RBFOX1: variants seen among roughly 807,000 people sequenced by gnomAD.
RBFOX1 encodes the protein RNA binding fox-1 homolog 1, also known as RNA binding protein fox-1 homolog 1.
Under a neutral mutation model 57.7 loss-of-function variants are expected in RBFOX1, and 8 were observed. That is an observed-to-expected ratio of 0.14 (90% CI 0.08 to 0.25). The LOEUF (loss-of-function observed/expected upper bound fraction) is 0.25, where lower values mean the gene tolerates loss of function less well. Ranked by LOEUF, RBFOX1 falls within the 10% of genes least tolerant of loss-of-function variation. RBFOX1 has a pLI of 1.00. For missense variants in RBFOX1, 611 were observed against 548.5 expected, an observed-to-expected ratio of 1.11 and a Z score of -1.14; for synonymous variants, 326 against 222.4, an observed-to-expected ratio of 1.47 and a Z score of -4.15.
intron 4 of RBFOX1, among the ~76,000 whole-genome samples, chr16:7,409,563 C>G (rs974569026): frequency 6.6e-6 from 1 of 152,158 alleles, no homozygotes; most frequent in Admixed American, 6.5e-5. Context: ...CAGTGTATGT[C>G]TGTGCATTGA....
chr16:6,018,336 C>G (rs936358907), upstream of RBFOX1, among the ~76,000 whole-genome samples: 1 of 152,194 alleles, frequency 6.6e-6, no homozygotes, highest in Non-Finnish European at 1.5e-5. Context: ...ATGGATAAAC[C>G]TCCAGTATCT....
intron 13 of RBFOX1, among the ~76,000 whole-genome samples, chr16:7,669,264 TTAACTGAACCAAGACATC>T (rs1208855632): frequency 6.6e-6 from 1 of 150,796 alleles, no homozygotes; most frequent in Non-Finnish European, 1.5e-5. Context: ...CAAGCATTGC[TTAACTGAACCAAGACATC>T]TGTTGGTTGA....
At chr16:6,296,308 C>T (rs1037331411) in intron 1 of RBFOX1, among the ~76,000 whole-genome samples, 3 of 152,170 alleles carry the variant, frequency 2.0e-5, no homozygotes, top group African/African-American at 4.8e-5. Context: ...GGCTTTATTA[C>T]TAAAAAGCTG....
intron 1 of RBFOX1, among the ~76,000 whole-genome samples, chr16:5,411,421 G>C (rs2067018736): frequency 6.6e-6 from 1 of 152,148 alleles, no homozygotes; most frequent in Non-Finnish European, 1.5e-5. Flanking sequence ...GTGGCTTCTA[G>C]AAGTCGGAAA....
At chr16:7,019,823 G>A (rs2094115734) in intron 3 of RBFOX1, among the ~76,000 whole-genome samples, 1 of 152,170 alleles carries the variant, frequency 6.6e-6, no homozygotes, top group Admixed American at 6.5e-5. Context: ...CTGAACATAT[G>A]ATTCTCTCTA....
At chr16:5,739,425 A>T (rs1010095594) in intron 3 of RBFOX1, among the ~76,000 whole-genome samples, 4 of 152,212 alleles carry the variant, frequency 2.6e-5, no homozygotes, top group African/African-American at 9.6e-5. Context: ...GGTAGGGGGA[A>T]AGTGGATAAT....
intron 3 of RBFOX1, among the ~76,000 whole-genome samples, chr16:6,914,931 A>G (rs2072732046): frequency 6.6e-6 from 1 of 152,236 alleles, no homozygotes. Context: ...CCTCACTCAC[A>G]TAACTTTTAG....
intron 3 of RBFOX1, among the ~76,000 whole-genome samples, chr16:5,721,851 C>G (rs2051948140): frequency 6.6e-6 from 1 of 152,218 alleles, no homozygotes; most frequent in South Asian, 2.1e-4. Flanking sequence ...CAGTGCTAAA[C>G]CGGTCCCAGA....
rs1195284724 is a variant in RBFOX1 at position 7,332,941 on chromosome 16, T to G, written c.28-185206T>G. 4 of 1,610,530 alleles carry G rather than the reference T, an allele frequency of 2.5e-6. No homozygotes were observed. The African/African-American group carries it at 4.0e-5, about 16-fold the overall frequency. On this transcript the variant is annotated intron_variant, in intron 4 of 15. Coordinates refer to ENST00000550418, the MANE Select transcript of RBFOX1 (RefSeq NM_018723.4). The stretch of plus-strand genomic sequence containing the variant: ...TTCGGAAGAAGTTGGGTCTATAGAT[T>G]TCCCCCTAACTCTCCATTGATGTGT...
chr16:5,581,511 C>G (rs113262081), intron 2 of RBFOX1, among the ~76,000 whole-genome samples: 54 of 152,300 alleles, frequency 3.5e-4, no homozygotes, highest in African/African-American at 1.2e-3. Context: ...ACACAAGTAA[C>G]TAATTACAAG....
chr16:6,655,459 G>A (rs1431106937), intron 3 of RBFOX1, among the ~76,000 whole-genome samples: 4 of 145,918 alleles, frequency 2.7e-5, no homozygotes, highest in Non-Finnish European at 4.5e-5. Context: ...GAGCAACAGC[G>A]TCCTATCTGA....
At chr16:7,162,110 C>A (rs914281666) in intron 4 of RBFOX1, among the ~76,000 whole-genome samples, 1 of 152,188 alleles carries the variant, frequency 6.6e-6, no homozygotes, top group African/African-American at 2.4e-5. Context: ...GCCAGAGAAA[C>A]CCCTCTAAGC....
intron 1 of RBFOX1, among the ~76,000 whole-genome samples, chr16:6,104,132 A>AACACACACACAC (rs112249231): frequency 2.7e-5 from 4 of 148,374 alleles, no homozygotes; most frequent in African/African-American, 1.0e-4. Flanking sequence ...TCCCAGTTGA[A>AACACACACACAC]ACACACACAC....
intron 4 of RBFOX1, among the ~76,000 whole-genome samples, chr16:7,148,827 G>C (rs1024223156): frequency 1.3e-5 from 2 of 152,178 alleles, no homozygotes; most frequent in African/African-American, 4.8e-5. Context: ...CAGGCTCTGA[G>C]TATGTTTGTA....
intron 2 of RBFOX1, among the ~76,000 whole-genome samples, chr16:6,455,289 A>G (rs1400969608): frequency 6.6e-6 from 1 of 152,084 alleles, no homozygotes; most frequent in Non-Finnish European, 1.5e-5. Context: ...GACCTGAACA[A>G]CCTAACCACG....
intron 1 of RBFOX1, among the ~76,000 whole-genome samples, chr16:6,143,159 C>A (rs1381390774): frequency 2.0e-5 from 3 of 152,106 alleles, no homozygotes; most frequent in African/African-American, 4.8e-5. Flanking sequence ...TCCCTCTTAA[C>A]GTTTTTGTTT....
At chr16:6,671,663 G>T (rs1020703948) in intron 3 of RBFOX1, among the ~76,000 whole-genome samples, 1 of 151,990 alleles carries the variant, frequency 6.6e-6, no homozygotes, top group Non-Finnish European at 1.5e-5. Flanking sequence ...TCATTCTTAC[G>T]CCTTTGCATC....
At chr16:6,881,757 CA>C (rs2062984387) in intron 3 of RBFOX1, among the ~76,000 whole-genome samples, 1 of 152,196 alleles carries the variant, frequency 6.6e-6, no homozygotes, top group Admixed American at 6.5e-5. Flanking sequence ...ATGAGCCAGG[CA>C]TGAGCTTATA....
intron 4 of RBFOX1, among the ~76,000 whole-genome samples, chr16:7,096,633 C>T (rs139992477): frequency 2.7e-3 from 412 of 152,142 alleles, no homozygotes; most frequent in Non-Finnish European, 4.2e-3. Context: ...GACTTAGCCC[C>T]AGTAAAACGG....
Sources: gnomAD v4.1 joint callset for allele counts (sites outside exome capture counted in the v4.1 genomes callset) on GRCh38, gnomAD v4.1.1 for gene constraint, MANE v1.5 for transcripts, NCBI Gene and HGNC (gene_info 2026-07-23, HGNC 2026-07-21) for gene names.